Variants in GYG2 observed in about 807,000 individuals in gnomAD.
The protein encoded by GYG2 is glycogenin-2.
GYG2 carries 29 observed loss-of-function variants against 29.4 expected under a neutral mutation model. The observed-to-expected ratio is 0.99, with a 90% CI of 0.74 to 1.35. GYG2 has a LOEUF of 1.35. Among genes scored for constraint, GYG2 ranks in the 40% most tolerant of loss-of-function variants. The pLI, the probability that GYG2 is intolerant of heterozygous loss-of-function variation, is 0.00. For synonymous variants in GYG2, 167 were observed against 172.3 expected (o/e 0.97, Z 0.24); for missense variants, 370 against 385.7 (o/e 0.96, Z 0.34).
intron 8 of GYG2, among the ~76,000 whole-genome samples, chrX:2,867,172 C>T (rs1286620171): frequency 9.0e-6 from 1 of 111,547 alleles, no homozygotes; most frequent in Non-Finnish European, 1.9e-5. Context: ...CTGGGCTGAG[C>T]GTACTTTGTT....
intron 2 of GYG2, among the ~76,000 whole-genome samples, chrX:2,837,159 G>A (rs1253065888): frequency 1.8e-5 from 2 of 110,654 alleles, no homozygotes; most frequent in East Asian, 5.7e-4. Context: ...AGACCTAGGA[G>A]GTGGGTAATA....
chrX:2,878,643 G>A (rs1345032727), intron 10 of GYG2, among the ~76,000 whole-genome samples: 1 of 111,486 alleles, frequency 9.0e-6, no homozygotes, highest in Non-Finnish European at 1.9e-5. Context: ...GGAAGGAGGG[G>A]TATTAAAAAG....
At chrX:2,839,230 A>G (rs758360848) in intron 2 of GYG2, among the ~76,000 whole-genome samples, 1 of 111,308 alleles carries the variant, frequency 9.0e-6, no homozygotes, top group South Asian at 3.7e-4. Flanking sequence ...GGTGATGGGT[A>G]TATTTGGCCT....
chrX:2,846,163 T>A (rs1265991177), intron 3 of GYG2, among the ~76,000 whole-genome samples: 5 of 94,914 alleles, frequency 5.3e-5, no homozygotes, highest in Admixed American at 3.8e-4. Flanking sequence ...ATCTCCTGGG[T>A]TCCAGTGATT....
In GYG2 at chrX:2,870,957, G is replaced by A. The variant is rs766559329; in HGVS notation, c.1039-4853G>A. ...CAGACATGGTAAATGAAAAAGAATT[G>A]CAAAGACAATTTGTAGCTCTGAATC... On this transcript the variant is annotated intron_variant, in intron 8 of 10. Coordinates refer to ENST00000398806, the MANE Select transcript of GYG2 (RefSeq NM_001079855.2). Among the ~76,000 whole-genome samples the A allele has an allele frequency of 2.1e-4, 23 of 110,963 alleles. No individual in the cohort carries two copies. In the South Asian group the frequency reaches 8.8e-3, roughly 43 times the overall value.
chrX:2,851,699 C>T (rs1490707492), intron 3 of GYG2, among the ~76,000 whole-genome samples: 2 of 111,939 alleles, frequency 1.8e-5, no homozygotes, highest in Admixed American at 1.9e-4. Context: ...AATTTCATCA[C>T]CTGGATTAAG....
intron 2 of GYG2, among the ~76,000 whole-genome samples, chrX:2,830,960 C>T (rs1405400332): frequency 8.9e-6 from 1 of 111,903 alleles, no homozygotes; most frequent in Non-Finnish European, 1.9e-5. Flanking sequence ...GTTAATCCTC[C>T]TGCAGGCAGA....
chrX:2,863,063 G>GA (rs751222054), intron 8 of GYG2, among the ~76,000 whole-genome samples: 14 of 80,145 alleles, frequency 1.7e-4, no homozygotes, highest in Non-Finnish European at 1.0e-4. Flanking sequence ...CTGTCTCAAA[G>GA]AAAAAAAAAA....
intron 9 of GYG2, among the ~76,000 whole-genome samples, chrX:2,876,166 T>A (rs1424111857): frequency 9.3e-6 from 1 of 108,088 alleles, no homozygotes; most frequent in Non-Finnish European, 1.9e-5. Context: ...ATTGTGGGGT[T>A]TTCTTTTTCG....
intron 7 of GYG2, 110 bp downstream of exon 7, chrX:2,860,175 G>A (rs2088125332): frequency 2.2e-6 from 1 of 462,085 alleles, no homozygotes; most frequent in South Asian, 3.7e-5. Context: ...TCTAAATACT[G>A]TATTTCATGG....
intron 3 of GYG2, chrX:2,852,995 T>A (rs1171414134): frequency 1.8e-5 from 2 of 111,210 alleles, no homozygotes; most frequent in African/African-American, 6.5e-5. Context: ...GACAGGGAAG[T>A]TGCAGCTTGC....
In GYG2 at chrX:2,855,169, G is replaced by A. The variant is rs200620625; in HGVS notation, c.487+14G>A. On this transcript the variant is annotated intron_variant, in intron 5 of 10. Coordinates refer to ENST00000398806, the MANE Select transcript of GYG2 (RefSeq NM_001079855.2). ...GCAGCTTTGACGGTAAGTCAGGGCAGCCCGGACGCTTAGGGTCTCTGTTGC... is the reference window on the plus strand; with the variant it reads ...GCAGCTTTGACGGTAAGTCAGGGCAACCCGGACGCTTAGGGTCTCTGTTGC... 2.3e-5 allele frequency: 27 copies of A among 1,198,322 alleles called. No homozygotes were observed. In the African/African-American group the frequency reaches 4.2e-4, roughly 19 times the overall value.
chrX:2,866,837 TA>T (rs1202207153), intron 8 of GYG2, among the ~76,000 whole-genome samples: 25 of 31,900 alleles, frequency 7.8e-4, no homozygotes, highest in East Asian at 3.2e-3. Context: ...TTTTTTTTTT[TA>T]AAAAAAAGTA....
chrX:2,837,330 C>T (rs1201104011), intron 2 of GYG2, among the ~76,000 whole-genome samples: 3 of 112,042 alleles, frequency 2.7e-5, no homozygotes, highest in Admixed American at 1.9e-4. Flanking sequence ...GGAGTTGGCA[C>T]GCTAAATATT....
intron 8 of GYG2, among the ~76,000 whole-genome samples, chrX:2,867,376 G>A (rs138902792): frequency 0.015 from 1,659 of 111,115 alleles, 31 homozygotes; most frequent in African/African-American, 0.051. Context: ...CAGAGGGGGC[G>A]GCAAGGGAGG....
At chrX:2,880,536 T>G (rs1425926439) in intron 10 of GYG2, among the ~76,000 whole-genome samples, 6 of 110,098 alleles carry the variant, frequency 5.4e-5, no homozygotes, top group African/African-American at 1.7e-4. Context: ...AATTACATTT[T>G]ATAAAATTTC....
intron 8 of GYG2, among the ~76,000 whole-genome samples, chrX:2,872,345 C>G (rs2088491166): frequency 8.9e-6 from 1 of 112,006 alleles, no homozygotes. Flanking sequence ...TAAAATTTCT[C>G]TCTGCATGAT....
intron 10 of GYG2, among the ~76,000 whole-genome samples, chrX:2,879,361 G>A (rs902033277): frequency 1.9e-5 from 2 of 105,517 alleles, no homozygotes; most frequent in Non-Finnish European, 3.9e-5. Context: ...TCCGCCTCCC[G>A]GGTTCAAGTG....
At chrX:2,869,016 TA>T (rs34020477) in intron 8 of GYG2, among the ~76,000 whole-genome samples, 1,039 of 96,433 alleles carry the variant, frequency 0.011, 21 homozygotes, top group African/African-American at 0.036. Context: ...CTGAACATCT[TA>T]AAAAAAAAAA....
Sources: gnomAD v4.1 joint callset for allele counts (sites outside exome capture counted in the v4.1 genomes callset) on GRCh38, gnomAD v4.1.1 for gene constraint, MANE v1.5 for transcripts, NCBI Gene and HGNC (gene_info 2026-07-23, HGNC 2026-07-21) for gene names.